Variants in TAF4B observed in about 807,000 individuals in gnomAD.
The protein encoded by TAF4B is TATA-box binding protein associated factor 4b, also known as transcription initiation factor TFIID subunit 4B.
Under a neutral mutation model 86.4 loss-of-function variants are expected in TAF4B, and 38 were observed. The ratio of observed to expected loss-of-function variants is 0.44; its 90% CI spans 0.34 to 0.58. TAF4B has a LOEUF of 0.58. Ranked by LOEUF, TAF4B falls within the 20% of genes least tolerant of loss-of-function variation. The probability of loss-of-function intolerance (pLI) is 0.02; values close to 1 mark genes in which losing one functional copy is unlikely to be tolerated. For synonymous variants in TAF4B, 388 were observed against 391.2 expected (o/e 0.99, Z 0.10); for missense variants, 988 against 1,027.6 (o/e 0.96, Z 0.53).
chr18:26,315,161 T>TCTCTCACA (rs1282068871), intron 9 of TAF4B, 68 bp from the exon 10 acceptor site: 21,730 of 219,396 alleles, frequency 0.099, 1,926 homozygotes, highest in East Asian at 0.3. Flanking sequence ...TCTCTCTCTC[T>TCTCTCACA]CACACACACA....
intron 3 of TAF4B, among the ~76,000 whole-genome samples, chr18:26,270,674 G>A (rs1241193584): frequency 6.6e-6 from 1 of 150,820 alleles, no homozygotes; most frequent in Non-Finnish European, 1.5e-5. Flanking sequence ...AGGTGAAGGG[G>A]AAAATCTTTA....
At chr18:26,296,215 T>C (rs1318838911) in intron 9 of TAF4B, among the ~76,000 whole-genome samples, 1 of 152,198 alleles carries the variant, frequency 6.6e-6, no homozygotes, top group African/African-American at 2.4e-5. Context: ...CTTGCAGCAC[T>C]CTAAATTTTC....
At chr18:26,256,327 G>C in intron 1 of TAF4B, 1 of 1,452,760 alleles carries the variant, frequency 6.9e-7, no homozygotes, top group Non-Finnish European at 9.7e-7. Context: ...TCTATACTTC[G>C]GTACATCTTT....
At chr18:26,275,125 T>C (rs1368549368) in intron 5 of TAF4B, 72 bp downstream of exon 5, 16 of 1,411,758 alleles carry the variant, frequency 1.1e-5, no homozygotes, top group Non-Finnish European at 1.5e-5. Flanking sequence ...GAAATGCATA[T>C]TTTTAAATGG....
chr18:26,238,463 C>A (rs2055783309), intron 1 of TAF4B, among the ~76,000 whole-genome samples: 1 of 150,782 alleles, frequency 6.6e-6, no homozygotes, highest in African/African-American at 2.5e-5. Flanking sequence ...CCAGATAGTC[C>A]CCACTCTGCA....
At chr18:26,262,829 G>A (rs1219713041) in intron 1 of TAF4B, among the ~76,000 whole-genome samples, 1 of 152,184 alleles carries the variant, frequency 6.6e-6, no homozygotes, top group African/African-American at 2.4e-5. Context: ...ATTTTCACCA[G>A]TTATGCCTAT....
chr18:26,346,871 A>ATGTG (rs1567914139), intron 13 of TAF4B, among the ~76,000 whole-genome samples: 2 of 5,204 alleles, frequency 3.8e-4, no homozygotes, highest in Non-Finnish European at 1.3e-3. Flanking sequence ...GTATATATAT[A>ATGTG]TATGTGTATA....
chr18:26,231,224 G>C (rs1207574761), intron 1 of TAF4B, among the ~76,000 whole-genome samples: 1 of 151,100 alleles, frequency 6.6e-6, no homozygotes, highest in East Asian at 1.9e-4. Context: ...TGTATTTTTA[G>C]TAGAGATGAG....
At chr18:26,228,889 T>G (rs1200011831) in intron 1 of TAF4B, among the ~76,000 whole-genome samples, 1 of 152,162 alleles carries the variant, frequency 6.6e-6, no homozygotes. Context: ...AACAAATTAT[T>G]TATATTCTTT....
At chr18:26,376,820 T>C (rs1224386106) in intron 14 of TAF4B, among the ~76,000 whole-genome samples, 2 of 152,160 alleles carry the variant, frequency 1.3e-5, no homozygotes, top group East Asian at 1.9e-4. Context: ...TTCTCATAGA[T>C]GCTTTTTTTT....
chr18:26,363,890 T>C (rs2057349854), intron 14 of TAF4B, among the ~76,000 whole-genome samples: 1 of 152,096 alleles, frequency 6.6e-6, no homozygotes, highest in Non-Finnish European at 1.5e-5. Context: ...TGAATGCAGG[T>C]TTTTTCCTAC....
intron 14 of TAF4B, among the ~76,000 whole-genome samples, chr18:26,367,431 T>G (rs1345291075): frequency 1.3e-5 from 2 of 152,326 alleles, no homozygotes; most frequent in Non-Finnish European, 1.5e-5. Context: ...GGAGCTCTGA[T>G]GTCTGAAGGC....
chr18:26,356,517 A>G (rs1459752208), intron 13 of TAF4B, among the ~76,000 whole-genome samples: 1 of 152,136 alleles, frequency 6.6e-6, no homozygotes, highest in Non-Finnish European at 1.5e-5. Flanking sequence ...AACCTGCTCT[A>G]TTTTTAAACA....
intron 3 of TAF4B, among the ~76,000 whole-genome samples, chr18:26,270,969 C>A (rs182620703): frequency 1.3e-5 from 2 of 152,038 alleles, no homozygotes; most frequent in African/African-American, 4.8e-5. Flanking sequence ...TTTGTGTGGA[C>A]CATTTATTTT....
At chr18:26,339,760 A>G (rs2057122185) in intron 13 of TAF4B, among the ~76,000 whole-genome samples, 5 of 152,108 alleles carry the variant, frequency 3.3e-5, no homozygotes, top group Non-Finnish European at 7.4e-5. Flanking sequence ...GGCCCTCGGT[A>G]TTTTCTTTTC....
chr18:26,263,984 G>A (rs957213173), intron 1 of TAF4B, among the ~76,000 whole-genome samples: 1 of 152,138 alleles, frequency 6.6e-6, no homozygotes, highest in African/African-American at 2.4e-5. Context: ...CATCTGAAAG[G>A]TCTACCCAAA....
intron 14 of TAF4B, among the ~76,000 whole-genome samples, chr18:26,358,066 A>G (rs1422010906): frequency 1.3e-5 from 2 of 152,124 alleles, no homozygotes; most frequent in Non-Finnish European, 2.9e-5. Flanking sequence ...TCCAGTATTT[A>G]AATTTTTTAT....
Position 26,389,955 on chromosome 18 carries a change from G to C in TAF4B, c.2532G>C (p.Met844Ile). Residue 844 changes from methionine (M) to isoleucine (I), a missense_variant, in exon 15 of 15, where the codon ATG (methionine) becomes ATC (isoleucine). Physicochemically the swap from Met to Ile is conservative, Grantham distance 10 (BLOSUM62 1). Coordinates refer to ENST00000269142, the MANE Select transcript of TAF4B (RefSeq NM_005640.3). Reference sequence around the variant, plus strand: ...GCCTCAGGGACTTGATATTTTGTATGGAACAGGAACGGGAGATGAAGTATT... The same window carrying C: ...GCCTCAGGGACTTGATATTTTGTATCGAACAGGAACGGGAGATGAAGTATT... ...RICLRDLIFC[M>I]EQEREMKYSR... is the part of the protein sequence containing the mutation. 1 of 1,614,110 alleles carries C rather than the reference G, an allele frequency of 6.2e-7. No individual in the cohort carries two copies. The highest frequency in any genetic ancestry group is 8.5e-7 in the Non-Finnish European group (1 of 1,180,000).
chr18:26,333,443 G>T (rs2057067085), intron 12 of TAF4B, among the ~76,000 whole-genome samples: 2 of 152,052 alleles, frequency 1.3e-5, no homozygotes, highest in Admixed American at 6.6e-5. Context: ...GGAGTGCAGT[G>T]GCATGATAAT....
Sources: gnomAD v4.1 joint callset for allele counts (sites outside exome capture counted in the v4.1 genomes callset) on GRCh38, gnomAD v4.1.1 for gene constraint, MANE v1.5 for transcripts, NCBI Gene and HGNC (gene_info 2026-07-23, HGNC 2026-07-21) for gene names.